FARP1: variants seen among roughly 807,000 people sequenced by gnomAD.
The protein encoded by FARP1 is FERM, ARH/RhoGEF and pleckstrin domain protein 1, also known as FERM, ARHGEF and pleckstrin domain-containing protein 1.
In FARP1, 52 loss-of-function variants were observed where a neutral mutation model predicts 128.8. The ratio of observed to expected loss-of-function variants is 0.40; its 90% CI spans 0.32 to 0.51. The LOEUF (loss-of-function observed/expected upper bound fraction) is 0.51. FARP1 is among the 20% of genes least tolerant of loss of function. FARP1 has a pLI of 0.45. For synonymous variants in FARP1, 580 were observed against 551.8 expected, an observed-to-expected ratio of 1.05 and a Z score of -0.72; for missense variants, 1,333 against 1,367.9, an observed-to-expected ratio of 0.97 and a Z score of 0.40.
At chr13:98,351,184 G>C (rs1166156357) in intron 3 of FARP1, among the ~76,000 whole-genome samples, 1 of 152,022 alleles carries the variant, frequency 6.6e-6, no homozygotes, top group Admixed American at 6.5e-5. Context: ...CTTGGGAACT[G>C]TGAGTAATAA....
intron 16 of FARP1, among the ~76,000 whole-genome samples, chr13:98,412,682 G>A (rs1438108004): frequency 6.6e-6 from 1 of 152,218 alleles, no homozygotes; most frequent in Non-Finnish European, 1.5e-5. Context: ...AAACATTAAT[G>A]TGAGAGAAGA....
intron 2 of FARP1, among the ~76,000 whole-genome samples, chr13:98,282,257 C>T (rs371926618): frequency 1.9e-4 from 29 of 152,244 alleles, no homozygotes; most frequent in African/African-American, 6.7e-4. Context: ...CACTGTACTT[C>T]AGCCTGGGGG....
chr13:98,368,989 A>T (rs1387337169), intron 5 of FARP1, among the ~76,000 whole-genome samples: 1 of 149,760 alleles, frequency 6.7e-6, no homozygotes, highest in East Asian at 1.9e-4. Flanking sequence ...GCAGTGACGC[A>T]GTCTCAGCTC....
chr13:98,441,833 C>A (rs139639466), intron 24 of FARP1, among the ~76,000 whole-genome samples: 5 of 152,078 alleles, frequency 3.3e-5, no homozygotes, highest in Admixed American at 6.5e-5. Flanking sequence ...GGCTTCTGAA[C>A]CTTTCACTTC....
chr13:98,395,444 A>G lies in FARP1; in HGVS notation c.1382A>G (p.Gln461Arg). Residue 461 changes from glutamine to arginine, a missense_variant, in exon 13 of 27, where the codon CAG (glutamine) becomes CGG (arginine). Transcript: ENST00000319562. ...EEEVVKDRTQ[Q>R]SKPQPPQPST... ...GAGGTCGTTAAGGATAGGACCCAGC[A>G]GAGTAAACCTCAGCCCCCGCAGCCA... The G allele has an allele frequency of 6.3e-7, 1 of 1,597,012 alleles. No homozygotes were observed. The highest frequency in any genetic ancestry group is 8.6e-7 in the Non-Finnish European group (1 of 1,167,278).
At chr13:98,411,750 C>T (rs1397459317) in intron 15 of FARP1, 151 bp from the exon 16 acceptor site, 16 of 759,312 alleles carry the variant, frequency 2.1e-5, no homozygotes, top group South Asian at 5.2e-5. Context: ...CAGTAAGGCC[C>T]GGGCAGCCCC....
At chr13:98,383,228 T>C (rs182796042) in intron 6 of FARP1, among the ~76,000 whole-genome samples, 10 of 152,294 alleles carry the variant, frequency 6.6e-5, no homozygotes, top group African/African-American at 2.2e-4. Flanking sequence ...AGGCCCTCTA[T>C]TGTCAAGGCA....
At chr13:98,303,741 A>G (rs905107399) in intron 2 of FARP1, among the ~76,000 whole-genome samples, 1 of 152,226 alleles carries the variant, frequency 6.6e-6, no homozygotes, top group Admixed American at 6.5e-5. Context: ...AGCCTCAATT[A>G]GTAAAATCGA....
At chr13:98,203,170 C>A (rs1202754176) in intron 1 of FARP1, among the ~76,000 whole-genome samples, 1 of 152,234 alleles carries the variant, frequency 6.6e-6, no homozygotes, top group African/African-American at 2.4e-5. Flanking sequence ...CTTCCAGTTA[C>A]CTCCCTCTCC....
intron 3 of FARP1, among the ~76,000 whole-genome samples, chr13:98,358,999 C>T (rs1888754551): frequency 6.6e-6 from 1 of 152,164 alleles, no homozygotes; most frequent in Non-Finnish European, 1.5e-5. Flanking sequence ...ATTCTAGACA[C>T]TGGATATTTT....
chr13:98,307,038 G>A (rs1294160935), intron 2 of FARP1, among the ~76,000 whole-genome samples: 5 of 152,178 alleles, frequency 3.3e-5, no homozygotes, highest in African/African-American at 1.2e-4. Flanking sequence ...AGCTAACCTC[G>A]TCACAGCTGG....
chr13:98,297,501 A>C (rs529918421), intron 2 of FARP1, among the ~76,000 whole-genome samples: 2 of 152,342 alleles, frequency 1.3e-5, no homozygotes, highest in South Asian at 4.1e-4. Context: ...ATTTTAACAC[A>C]GCCTAGAGAG....
intron 18 of FARP1, chr13:98,435,366 G>T (rs1439286013): frequency 2.0e-6 from 1 of 499,336 alleles, no homozygotes; most frequent in Non-Finnish European, 3.5e-6. Context: ...GGGTCACTTA[G>T]TTTTAAGATG....
In FARP1 at chr13:98,453,297, C is replaced by A. The variant is rs1210654971; in HGVS notation, c.*4980C>A. The A allele has an allele frequency of 9.5e-6, 13 of 1,374,044 alleles. No individual in the cohort carries two copies. Among genetic ancestry groups the A allele is most frequent in the Non-Finnish European group, 1.2e-5 (12 of 996,682 alleles). The allele number at this position is 1,374,044 out of a possible 1,614,324, so 85.1% of individuals were successfully genotyped here. A position where few individuals can be genotyped will look rare whatever the true frequency, so the allele number is the denominator to read the frequency against. ...ATATAGTAACCAAAATCTTAGTTTT[C>A]ATAAGAAATTCCAAGTCATACAAAA... On this transcript the variant is annotated 3_prime_UTR_variant, in exon 27 of 27. Coordinates refer to ENST00000319562, the MANE Select transcript of FARP1 (RefSeq NM_005766.4).
At position 98,369,620 on chromosome 13, in the gene FARP1, GT is replaced by G. The variant is rs1227050386; in HGVS notation, c.398+1431del. Among the ~76,000 whole-genome samples, 5 of 152,060 alleles carry G rather than the reference GT, an allele frequency of 3.3e-5. No homozygotes were observed. In the East Asian group the frequency reaches 9.7e-4, roughly 30 times the overall value. On this transcript the variant is annotated intron_variant, in intron 5 of 26. Coordinates refer to ENST00000319562, the MANE Select transcript of FARP1 (RefSeq NM_005766.4). Reference sequence around the variant, plus strand: ...TATGAGTGAGAACATGTGGTGTTTGGTTTTTTGTCCTTGCGATAGTTTACTG... The same window carrying G: ...TATGAGTGAGAACATGTGGTGTTTGGTTTTTGTCCTTGCGATAGTTTACTG...
intron 2 of FARP1, among the ~76,000 whole-genome samples, chr13:98,256,866 CA>C (rs1883612851): frequency 1.9e-5 from 1 of 53,848 alleles, no homozygotes; most frequent in Non-Finnish European, 3.4e-5. Context: ...GGCCTTACTA[CA>C]GTTTTTTTTT....
chr13:98,236,775 G>A (rs563403918), intron 2 of FARP1, among the ~76,000 whole-genome samples: 153 of 151,582 alleles, frequency 1.0e-3, no homozygotes, highest in Non-Finnish European at 1.7e-3. Context: ...GGGTCACGAG[G>A]TCAGGAGTTT....
chr13:98,372,306 C>T (rs1303241100), intron 5 of FARP1, among the ~76,000 whole-genome samples: 1 of 152,056 alleles, frequency 6.6e-6, no homozygotes, highest in Non-Finnish European at 1.5e-5. Flanking sequence ...AGGCTGGTCT[C>T]GAACTCCTGA....
At position 98,250,804 on chromosome 13, in the gene FARP1, C is replaced by G. The variant is rs1883288784; in HGVS notation, c.171+37391C>G. On this transcript the variant is annotated intron_variant, in intron 2 of 26. Coordinates refer to ENST00000319562, the MANE Select transcript of FARP1 (RefSeq NM_005766.4). ...CTCTGAAGACTTTTAACCCCCATCC[C>G]TTAAGAAGTAATCCCAGCCTAAATT... Among the ~76,000 whole-genome samples, 3 of 152,190 alleles carry G rather than the reference C, an allele frequency of 2.0e-5. No individual in the cohort carries two copies. The South Asian group carries it at 6.2e-4, about 32-fold the overall frequency.
Sources: allele counts gnomAD v4.1 joint callset (sites outside exome capture counted in the v4.1 genomes callset), GRCh38; gene constraint gnomAD v4.1.1; transcripts MANE v1.5; gene names NCBI Gene and HGNC (gene_info 2026-07-23, HGNC 2026-07-21).